The following NUBPL variants were observed in gnomAD, a reference collection of about 807,000 sequenced individuals.
The protein encoded by NUBPL is iron-sulfur cluster transfer protein NUBPL.
A neutral mutation model predicts 45.7 loss-of-function variants in NUBPL; 31 were observed. The ratio of observed to expected loss-of-function variants is 0.68; its 90% CI spans 0.51 to 0.92. The LOEUF (loss-of-function observed/expected upper bound fraction) is 0.92. Ranked by LOEUF, NUBPL falls within the 40% of genes least tolerant of loss-of-function variation. The pLI is 0.00. For synonymous variants in NUBPL, 144 were observed against 140.9 expected (o/e 1.02, Z -0.15); for missense variants, 401 against 398.7 (o/e 1.01, Z -0.05).
chr14:31,770,908 T>C (rs1269731333), intron 6 of NUBPL, among the ~76,000 whole-genome samples: 1 of 152,234 alleles, frequency 6.6e-6, no homozygotes, highest in Non-Finnish European at 1.5e-5. Context: ...ACAATTTCTC[T>C]CAGTTGATTT....
intron 4 of NUBPL, among the ~76,000 whole-genome samples, chr14:31,651,718 G>A (rs2036009864): frequency 6.6e-6 from 1 of 151,990 alleles, no homozygotes; most frequent in African/African-American, 2.4e-5. Flanking sequence ...CTAACATGGT[G>A]AAACCCCATC....
chr14:31,859,535 T>C lies in NUBPL; in HGVS notation c.*355T>C, dbSNP rs886050452. ...CACAGAATTAGTAATTTAAATGATATACTAAATTTGTGTATGGGCATAAGT... is the reference window on the plus strand; with the variant it reads ...CACAGAATTAGTAATTTAAATGATACACTAAATTTGTGTATGGGCATAAGT... On this transcript the variant is annotated 3_prime_UTR_variant, in exon 11 of 11. Transcript: ENST00000281081. 3.2e-5 allele frequency: 11 copies of C among 346,994 alleles called. No homozygotes were observed. The highest frequency in any genetic ancestry group is 1.9e-4 in the African/African-American group (9 of 46,844). 21.5% of individuals were successfully genotyped at this position (346,994 alleles called of 1,614,324 possible).
chr14:31,707,105 T>C (rs555644082), intron 6 of NUBPL, among the ~76,000 whole-genome samples: 2 of 152,346 alleles, frequency 1.3e-5, no homozygotes, highest in African/African-American at 4.8e-5. Flanking sequence ...CCATCTATCA[T>C]CCTGTCCTGT....
chr14:31,565,126 A>G, intron 3 of NUBPL, 78 bp downstream of exon 3: 1 of 841,726 alleles, frequency 1.2e-6, no homozygotes. Context: ...GGTGTTTTTT[A>G]TTTACTCTGT....
chr14:31,802,764 G>A (rs1406578652), intron 7 of NUBPL, among the ~76,000 whole-genome samples: 1 of 152,170 alleles, frequency 6.6e-6, no homozygotes, highest in African/African-American at 2.4e-5. Flanking sequence ...TGATAATGAG[G>A]TGATGTCCTT....
intron 2 of NUBPL, among the ~76,000 whole-genome samples, chr14:31,562,571 T>G (rs1478627242): frequency 2.0e-5 from 3 of 151,924 alleles, no homozygotes; most frequent in African/African-American, 7.2e-5. Flanking sequence ...TGGTTGCTGT[T>G]ATTTTTAAAA....
chr14:31,787,074 A>G (rs778894083), intron 6 of NUBPL, among the ~76,000 whole-genome samples: 26 of 152,158 alleles, frequency 1.7e-4, no homozygotes, highest in Non-Finnish European at 3.2e-4. Flanking sequence ...GTGAAGGAAA[A>G]GGAAGAGTTA....
intron 4 of NUBPL, among the ~76,000 whole-genome samples, chr14:31,608,044 G>A (rs2034649679): frequency 6.6e-6 from 1 of 152,196 alleles, no homozygotes; most frequent in African/African-American, 2.4e-5. Context: ...TCTGGCAGCA[G>A]ACTTTTCAGT....
At chr14:31,579,724 A>G (rs926291797) in intron 3 of NUBPL, among the ~76,000 whole-genome samples, 1 of 152,238 alleles carries the variant, frequency 6.6e-6, no homozygotes, top group African/African-American at 2.4e-5. Flanking sequence ...AGCTAAAGCT[A>G]GGGAAAAGAA....
At chr14:31,659,270 C>A (rs892712146) in intron 4 of NUBPL, among the ~76,000 whole-genome samples, 1 of 152,170 alleles carries the variant, frequency 6.6e-6, no homozygotes, top group African/African-American at 2.4e-5. Context: ...TTTCTGTCAT[C>A]TTTAAAATTT....
chr14:31,708,804 G>A (rs143974259), intron 6 of NUBPL, among the ~76,000 whole-genome samples: 224 of 152,296 alleles, frequency 1.5e-3, no homozygotes, highest in Middle Eastern at 0.014. Flanking sequence ...ATCTGGTTGG[G>A]GGCCTCTGAC....
intron 6 of NUBPL, among the ~76,000 whole-genome samples, chr14:31,731,028 A>C (rs1218879022): frequency 6.6e-6 from 1 of 152,222 alleles, no homozygotes; most frequent in Admixed American, 6.5e-5. Context: ...TTAGACATAG[A>C]CTATAAAGCA....
chr14:31,713,397 C>T (rs1162782016), intron 6 of NUBPL, among the ~76,000 whole-genome samples: 1 of 152,072 alleles, frequency 6.6e-6, no homozygotes, highest in African/African-American at 2.4e-5. Context: ...TTTTTCCTAA[C>T]ATGTTTATAT....
At chr14:31,752,988 A>G (rs2038566414) in intron 6 of NUBPL, among the ~76,000 whole-genome samples, 1 of 152,206 alleles carries the variant, frequency 6.6e-6, no homozygotes, top group Non-Finnish European at 1.5e-5. Flanking sequence ...CTCACTCACT[A>G]TCATGAGAAC....
intron 6 of NUBPL, among the ~76,000 whole-genome samples, chr14:31,769,781 ATT>A (rs984620984): frequency 6.6e-6 from 1 of 150,810 alleles, no homozygotes; most frequent in Admixed American, 6.6e-5. Context: ...TAGTCATGGT[ATT>A]TTTTTTTCAG....
intron 6 of NUBPL, among the ~76,000 whole-genome samples, chr14:31,763,124 G>A (rs1169547778): frequency 1.3e-5 from 2 of 152,124 alleles, no homozygotes; most frequent in Non-Finnish European, 2.9e-5. Context: ...GGAACAGTGG[G>A]GATGAAGGTT....
intron 6 of NUBPL, among the ~76,000 whole-genome samples, chr14:31,756,609 A>C (rs970783326): frequency 9.4e-5 from 14 of 149,050 alleles, no homozygotes; most frequent in African/African-American, 3.2e-4. Context: ...GGCTGAGACA[A>C]TGGGGTTTTC....
chr14:31,765,441 T>G (rs1480514582), intron 6 of NUBPL, among the ~76,000 whole-genome samples: 1 of 152,206 alleles, frequency 6.6e-6, no homozygotes, highest in East Asian at 1.9e-4. Context: ...TAATTTTGAC[T>G]TATGATAACC....
intron 4 of NUBPL, among the ~76,000 whole-genome samples, chr14:31,608,034 TCTG>T (rs1342514594): frequency 6.6e-6 from 1 of 152,104 alleles, no homozygotes; most frequent in Non-Finnish European, 1.5e-5. Context: ...CTCCAGTACC[TCTG>T]GCAGCAGACT....
Sources: gnomAD v4.1 joint callset for allele counts (sites outside exome capture counted in the v4.1 genomes callset) on GRCh38, gnomAD v4.1.1 for gene constraint, MANE v1.5 for transcripts, NCBI Gene and HGNC (gene_info 2026-07-23, HGNC 2026-07-21) for gene names.